The following PITPNC1 variants were observed in gnomAD, a reference collection of about 807,000 sequenced individuals.
PITPNC1 encodes cytoplasmic phosphatidylinositol transfer protein 1.
In PITPNC1, 18 loss-of-function variants were observed where a neutral mutation model predicts 44.7. The observed-to-expected ratio is 0.40, with a 90% CI of 0.28 to 0.60. PITPNC1 has a LOEUF of 0.60. PITPNC1 is among the 20% of genes least tolerant of loss of function. The pLI, the probability that PITPNC1 is intolerant of heterozygous loss-of-function variation, is 0.39. For missense variants in PITPNC1, 290 were observed against 418.4 expected (o/e 0.69, Z 2.68); for synonymous variants, 141 against 149.6 (o/e 0.94, Z 0.42).
chr17:67,534,051 C>T (rs1444381036), intron 2 of PITPNC1, among the ~76,000 whole-genome samples: 3 of 151,992 alleles, frequency 2.0e-5, no homozygotes, highest in Non-Finnish European at 4.4e-5. Context: ...TCTACCACCA[C>T]TCCTGGCTAA....
chr17:67,393,575 A>G (rs765878580), intron 1 of PITPNC1, among the ~76,000 whole-genome samples: 4 of 152,208 alleles, frequency 2.6e-5, no homozygotes, highest in South Asian at 4.1e-4. Context: ...GGTGGCATTA[A>G]TGACTCAGTG....
At chr17:67,476,188 C>CTTTTTTTT (rs10633927) in intron 1 of PITPNC1, among the ~76,000 whole-genome samples, 4 of 137,706 alleles carry the variant, frequency 2.9e-5, no homozygotes, top group Admixed American at 7.3e-5. Context: ...TCTTTCTTTT[C>CTTTTTTTT]TTTTTTTTTT....
intron 1 of PITPNC1, among the ~76,000 whole-genome samples, chr17:67,455,264 TA>T (rs2039239095): frequency 6.6e-6 from 1 of 152,202 alleles, no homozygotes; most frequent in Non-Finnish European, 1.5e-5. Context: ...TATACTGTGT[TA>T]AAATTTACTA....
rs1173565735 is a variant in PITPNC1, at chr17:67,439,964, G to A, written c.48+61762G>A. On this transcript the variant is annotated intron_variant, in intron 1 of 8. Coordinates refer to ENST00000581322, the MANE Select transcript of PITPNC1 (RefSeq NM_012417.4). ...AACCCAAAACCTTCTTTCCCAGTAG[G>A]CAGTAATTTGGGATGTAAAATGTAT... Among the ~76,000 whole-genome samples, 24 of 152,126 alleles carry A rather than the reference G, an allele frequency of 1.6e-4. 1 individual carries two copies. Among genetic ancestry groups the A allele is most frequent in the Admixed American group, 1.6e-3 (24 of 15,258 alleles).
intron 4 of PITPNC1, among the ~76,000 whole-genome samples, chr17:67,573,346 G>T (rs2041089032): frequency 6.6e-6 from 1 of 152,184 alleles, no homozygotes; most frequent in African/African-American, 2.4e-5. Context: ...GCTGTAGGTA[G>T]GGTAGGACCT....
chr17:67,425,679 G>A (rs1035443398), intron 1 of PITPNC1, among the ~76,000 whole-genome samples: 5 of 145,174 alleles, frequency 3.4e-5, no homozygotes, highest in African/African-American at 5.2e-5. Flanking sequence ...ACACCACCAC[G>A]CTTGGCTAAT....
At chr17:67,440,255 G>A (rs1018900588) in intron 1 of PITPNC1, among the ~76,000 whole-genome samples, 3 of 152,128 alleles carry the variant, frequency 2.0e-5, no homozygotes, top group African/African-American at 7.2e-5. Context: ...GCTAAAGACA[G>A]GCTCTAACCC....
intron 1 of PITPNC1, among the ~76,000 whole-genome samples, chr17:67,506,834 T>C (rs914061936): frequency 1.3e-5 from 2 of 152,310 alleles, no homozygotes; most frequent in Non-Finnish European, 1.5e-5. Flanking sequence ...TTCAAAGTAA[T>C]ATATTCAGTA....
At chr17:67,641,787 A>AAT (rs922626324) in intron 6 of PITPNC1, among the ~76,000 whole-genome samples, 2 of 114,974 alleles carry the variant, frequency 1.7e-5, no homozygotes. Flanking sequence ...ACCTCAAAAT[A>AAT]ATAATAATAA....
chr17:67,425,197 GCACA>G (rs60303181), intron 1 of PITPNC1, among the ~76,000 whole-genome samples: 44,079 of 98,028 alleles, frequency 0.45, 10,502 homozygotes, highest in Middle Eastern at 0.59. Flanking sequence ...GCGCGCGCAC[GCACA>G]CGCACACACA....
intron 1 of PITPNC1, among the ~76,000 whole-genome samples, chr17:67,384,729 T>C (rs977584153): frequency 2.0e-5 from 3 of 152,226 alleles, no homozygotes; most frequent in African/African-American, 7.2e-5. Context: ...CGGGCCTTGT[T>C]CTCAGTTTTA....
At chr17:67,594,843 C>A (rs2041439780) in intron 5 of PITPNC1, among the ~76,000 whole-genome samples, 1 of 152,198 alleles carries the variant, frequency 6.6e-6, no homozygotes, top group Admixed American at 6.5e-5. Flanking sequence ...AAATGAGTAT[C>A]ATGATAGTTC....
chr17:67,638,176 G>A (rs995029110), intron 6 of PITPNC1: 4 of 152,356 alleles, frequency 2.6e-5, no homozygotes, highest in Non-Finnish European at 4.4e-5. Flanking sequence ...AACTCTGCAC[G>A]ATAAGTTGGA....
At chr17:67,466,970 G>A (rs2039436830) in intron 1 of PITPNC1, among the ~76,000 whole-genome samples, 1 of 151,874 alleles carries the variant, frequency 6.6e-6, no homozygotes, top group African/African-American at 2.4e-5. Flanking sequence ...TAATAACTGG[G>A]CATTCTTGTG....
At chr17:67,425,976 A>C (rs1237372123) in intron 1 of PITPNC1, among the ~76,000 whole-genome samples, 1 of 152,214 alleles carries the variant, frequency 6.6e-6, no homozygotes, top group African/African-American at 2.4e-5. Flanking sequence ...GTGTTTCAAT[A>C]AAACTTTATT....
At chr17:67,387,209 A>T (rs760989437) in intron 1 of PITPNC1, among the ~76,000 whole-genome samples, 2 of 152,210 alleles carry the variant, frequency 1.3e-5, no homozygotes, top group African/African-American at 2.4e-5. Flanking sequence ...ATGGCCTGCA[A>T]CTGACCAACC....
At chr17:67,653,476 C>G (rs779246504) in intron 6 of PITPNC1, among the ~76,000 whole-genome samples, 5 of 152,186 alleles carry the variant, frequency 3.3e-5, no homozygotes, top group Admixed American at 1.3e-4. Context: ...TTTGGGGCTT[C>G]TAGCCTCCAG....
chr17:67,572,939 C>T (rs1330991056), intron 4 of PITPNC1, among the ~76,000 whole-genome samples: 5 of 152,088 alleles, frequency 3.3e-5, no homozygotes, highest in Admixed American at 6.5e-5. Flanking sequence ...CACCCACTCC[C>T]GGTGCCACCA....
At chr17:67,629,373 A>C (rs2144327908) in intron 5 of PITPNC1, among the ~76,000 whole-genome samples, 1 of 152,186 alleles carries the variant, frequency 6.6e-6, no homozygotes, top group East Asian at 1.9e-4. Flanking sequence ...CCCAGGTTCA[A>C]GTGATTCTCC....
Sources: gnomAD v4.1 joint callset for allele counts (sites outside exome capture counted in the v4.1 genomes callset) on GRCh38, gnomAD v4.1.1 for gene constraint, MANE v1.5 for transcripts, NCBI Gene and HGNC (gene_info 2026-07-23, HGNC 2026-07-21) for gene names.